The following UNC5C variants were observed in gnomAD, a reference collection of about 807,000 sequenced individuals.
The protein encoded by UNC5C is netrin receptor UNC5C.
A neutral mutation model predicts 99.8 loss-of-function variants in UNC5C; 47 were observed. The ratio of observed to expected loss-of-function variants is 0.47; its 90% CI spans 0.37 to 0.60. The LOEUF (loss-of-function observed/expected upper bound fraction) is 0.60, where lower values mean the gene tolerates loss of function less well. UNC5C is among the 20% of genes least tolerant of loss of function. The pLI is 0.00. For missense variants in UNC5C, 1,062 were observed against 1,165.9 expected, an observed-to-expected ratio of 0.91 and a Z score of 1.30; for synonymous variants, 487 against 452.2, an observed-to-expected ratio of 1.08 and a Z score of -0.98.
chr4:95,192,549 G>A (rs115011430), intron 12 of UNC5C, among the ~76,000 whole-genome samples: 4,055 of 94,396 alleles, frequency 0.043, 74 homozygotes, highest in Middle Eastern at 0.13. Flanking sequence ...TCTCCTGGTC[G>A]CCTCTTCTGC....
chr4:95,186,979 A>G (rs1394368016), intron 12 of UNC5C, among the ~76,000 whole-genome samples: 2 of 151,908 alleles, frequency 1.3e-5, no homozygotes, highest in Admixed American at 1.3e-4. Flanking sequence ...AACGTGGCAC[A>G]CCCCACTCCA....
At chr4:95,170,427 A>C (rs753600735) in intron 14 of UNC5C, 95 bp from the exon 15 acceptor site, 14 of 1,397,490 alleles carry the variant, frequency 1.0e-5, no homozygotes, top group African/African-American at 1.4e-5. Flanking sequence ...TTTGAGTGAT[A>C]AGAAAAGAAT....
chr4:95,271,597 A>G (rs534767661), intron 4 of UNC5C, among the ~76,000 whole-genome samples: 1 of 152,328 alleles, frequency 6.6e-6, no homozygotes, highest in East Asian at 1.9e-4. Context: ...GGTCTGCTGA[A>G]CTTCCACATG....
Position 95,545,402 on chromosome 4 carries a change from A to G in UNC5C, c.124+3332T>C, listed in dbSNP as rs144893303. Reference sequence around the variant, plus strand: ...TTGCATATTCCTAATGTGAATTCATAAACTTTCTGTACTCCTACAATGAAA... The same window carrying G: ...TTGCATATTCCTAATGTGAATTCATGAACTTTCTGTACTCCTACAATGAAA... On this transcript the variant is annotated intron_variant, in intron 1 of 15. Coordinates refer to ENST00000453304, the MANE Select transcript of UNC5C (RefSeq NM_003728.4). Among the ~76,000 whole-genome samples, 28 of 152,338 alleles carry G rather than the reference A, an allele frequency of 1.8e-4. 1 individual carries two copies. In the East Asian group the frequency reaches 5.0e-3, roughly 27 times the overall value.
chr4:95,301,799 G>T lies in UNC5C; in HGVS notation c.347-50C>A, dbSNP rs773351171. ...AAGTCAACACAAGATTCATACTAAAGAAATATAAACCATCACATCATATTT... is the reference window on the plus strand; with the variant it reads ...AAGTCAACACAAGATTCATACTAAATAAATATAAACCATCACATCATATTT... On this transcript the variant is annotated intron_variant, in intron 2 of 15. Transcript: ENST00000453304. 17 of 1,583,820 alleles carry T rather than the reference G, an allele frequency of 1.1e-5. No homozygotes were observed. The East Asian group carries it at 3.9e-4, about 36-fold the overall frequency.
At chr4:95,227,059 G>A (rs2149371272) in intron 7 of UNC5C, among the ~76,000 whole-genome samples, 1 of 152,194 alleles carries the variant, frequency 6.6e-6, no homozygotes, top group South Asian at 2.1e-4. Flanking sequence ...TGGGTACAGT[G>A]TGGCCTCAGC....
chr4:95,481,767 C>T (rs1228306727), intron 1 of UNC5C, among the ~76,000 whole-genome samples: 2 of 152,058 alleles, frequency 1.3e-5, no homozygotes, highest in Admixed American at 1.3e-4. Flanking sequence ...GAAAGGATTC[C>T]CTATTTAATA....
At chr4:95,281,173 G>T (rs1317155089) in intron 3 of UNC5C, among the ~76,000 whole-genome samples, 1 of 152,168 alleles carries the variant, frequency 6.6e-6, no homozygotes, top group Non-Finnish European at 1.5e-5. Flanking sequence ...AAATAACATA[G>T]TGACTCACTC....
At chr4:95,215,696 G>T (rs1214614205) in intron 10 of UNC5C, among the ~76,000 whole-genome samples, 2 of 151,944 alleles carry the variant, frequency 1.3e-5, no homozygotes, top group East Asian at 3.9e-4. Context: ...AGAATTAAGG[G>T]CTAGGCTGAG....
intron 14 of UNC5C, among the ~76,000 whole-genome samples, chr4:95,177,627 G>A (rs1736422143): frequency 6.6e-6 from 1 of 152,146 alleles, no homozygotes; most frequent in Non-Finnish European, 1.5e-5. Flanking sequence ...CTTTTGCCAT[G>A]GTATGCACAG....
intron 1 of UNC5C, among the ~76,000 whole-genome samples, chr4:95,397,642 G>T (rs545491225): frequency 7.7e-4 from 117 of 152,216 alleles, no homozygotes; most frequent in African/African-American, 2.8e-3. Flanking sequence ...TATATGTTTT[G>T]CATATTTGTG....
At chr4:95,490,772 A>T (rs1721460189) in intron 1 of UNC5C, among the ~76,000 whole-genome samples, 1 of 151,804 alleles carries the variant, frequency 6.6e-6, no homozygotes. Context: ...AAGGACAAAC[A>T]GTAAAGTACT....
At chr4:95,177,744 CA>C (rs921370079) in intron 14 of UNC5C, among the ~76,000 whole-genome samples, 2 of 152,136 alleles carry the variant, frequency 1.3e-5, no homozygotes, top group African/African-American at 4.8e-5. Flanking sequence ...CTCTGTCACC[CA>C]GGCTGGAGTG....
intron 1 of UNC5C, among the ~76,000 whole-genome samples, chr4:95,489,640 G>A (rs1721425980): frequency 6.6e-6 from 1 of 151,648 alleles, no homozygotes; most frequent in African/African-American, 2.4e-5. Context: ...GCAGAGAGAT[G>A]GAGAGATGTA....
chr4:95,466,871 T>C (rs1442354399), intron 1 of UNC5C, among the ~76,000 whole-genome samples: 1 of 152,198 alleles, frequency 6.6e-6, no homozygotes, highest in Admixed American at 6.5e-5. Flanking sequence ...GAGTCTAACT[T>C]CATTCCCATT....
chr4:95,292,689 C>T (rs760534872), intron 3 of UNC5C, among the ~76,000 whole-genome samples: 2 of 152,118 alleles, frequency 1.3e-5, no homozygotes, highest in Admixed American at 6.5e-5. Flanking sequence ...GAGGCAATTA[C>T]GTCCAGCTAC....
At chr4:95,183,881 C>G (rs1227850580) in intron 13 of UNC5C, among the ~76,000 whole-genome samples, 1 of 152,164 alleles carries the variant, frequency 6.6e-6, no homozygotes, top group Non-Finnish European at 1.5e-5. Flanking sequence ...CAAAGAGCTT[C>G]TCATTCGTAG....
At chr4:95,367,303 G>C (rs2149437386) in intron 1 of UNC5C, among the ~76,000 whole-genome samples, 1 of 150,946 alleles carries the variant, frequency 6.6e-6, no homozygotes, top group Admixed American at 6.6e-5. Context: ...CAAGTAGTTG[G>C]GATTATGGGC....
At chr4:95,376,451 A>G (rs1219652136) in intron 1 of UNC5C, among the ~76,000 whole-genome samples, 2 of 152,254 alleles carry the variant, frequency 1.3e-5, no homozygotes, top group Admixed American at 6.5e-5. Context: ...ATGCTGATTT[A>G]TCAATATTTA....
Sources: gnomAD v4.1 joint callset for allele counts (sites outside exome capture counted in the v4.1 genomes callset) on GRCh38, gnomAD v4.1.1 for gene constraint, MANE v1.5 for transcripts, NCBI Gene and HGNC (gene_info 2026-07-23, HGNC 2026-07-21) for gene names.